Variants in CDH12 observed in about 807,000 individuals in gnomAD.
The protein encoded by CDH12 is cadherin-12.
In CDH12, 41 loss-of-function variants were observed where a neutral mutation model predicts 74.1. The ratio of observed to expected loss-of-function variants is 0.55; its 90% CI spans 0.43 to 0.72. The LOEUF (loss-of-function observed/expected upper bound fraction) is 0.72. Ranked by LOEUF, CDH12 falls within the 30% of genes least tolerant of loss-of-function variation. The pLI is 0.00. For missense variants in CDH12, 945 were observed against 977.2 expected (o/e 0.97, Z 0.44); for synonymous variants, 399 against 355.0 (o/e 1.12, Z -1.39).
chr5:22,016,183 T>C (rs1329795662), intron 5 of CDH12, among the ~76,000 whole-genome samples: 2 of 152,076 alleles, frequency 1.3e-5, no homozygotes, highest in African/African-American at 2.4e-5. Context: ...TCATGATAGC[T>C]TCCTCAAACT....
At chr5:22,786,889 T>G (rs1345225064) in intron 1 of CDH12, among the ~76,000 whole-genome samples, 3 of 151,974 alleles carry the variant, frequency 2.0e-5, no homozygotes, top group African/African-American at 7.3e-5. Context: ...TGGCTAATTT[T>G]TTGTGTTTTT....
intron 2 of CDH12, among the ~76,000 whole-genome samples, chr5:22,502,278 G>C (rs1418456217): frequency 1.3e-5 from 2 of 151,894 alleles, no homozygotes; most frequent in South Asian, 2.1e-4. Context: ...TTTTATAAAG[G>C]GATATTCCCC....
chr5:22,741,086 G>T (rs1580946829), intron 1 of CDH12, among the ~76,000 whole-genome samples: 1 of 152,094 alleles, frequency 6.6e-6, no homozygotes, highest in Non-Finnish European at 1.5e-5. Context: ...TAACTCAGGA[G>T]ATATTTATTA....
intron 2 of CDH12, among the ~76,000 whole-genome samples, chr5:22,452,931 A>G (rs2126566415): frequency 6.7e-6 from 1 of 149,988 alleles, no homozygotes; most frequent in Non-Finnish European, 1.5e-5. Flanking sequence ...CAAAGCCCTT[A>G]ATATATATAT....
intron 3 of CDH12, among the ~76,000 whole-genome samples, chr5:22,370,807 T>A (rs1741254303): frequency 6.6e-6 from 1 of 152,066 alleles, no homozygotes; most frequent in South Asian, 2.1e-4. Flanking sequence ...GACCAGGAGC[T>A]AGATAACCTG....
intron 1 of CDH12, among the ~76,000 whole-genome samples, chr5:22,521,044 T>G (rs1037316592): frequency 6.6e-6 from 1 of 151,716 alleles, no homozygotes; most frequent in Non-Finnish European, 1.5e-5. Flanking sequence ...TCCTGTATCA[T>G]GGCAGGAGGT....
chr5:22,397,211 C>T (rs1316812350), intron 3 of CDH12, among the ~76,000 whole-genome samples: 1 of 151,978 alleles, frequency 6.6e-6, no homozygotes, highest in African/African-American at 2.4e-5. Context: ...ATAATCATGG[C>T]AAAGTCTCTT....
intron 1 of CDH12, among the ~76,000 whole-genome samples, chr5:22,844,684 C>T (rs779092422): frequency 6.6e-6 from 1 of 152,114 alleles, no homozygotes; most frequent in African/African-American, 2.4e-5. Flanking sequence ...TAGAGAGATA[C>T]TCCACAAGAG....
intron 1 of CDH12, among the ~76,000 whole-genome samples, chr5:22,780,107 C>A (rs1241394034): frequency 6.6e-6 from 1 of 152,100 alleles, no homozygotes; most frequent in Non-Finnish European, 1.5e-5. Context: ...GTAATCTAGC[C>A]AGGCACAGTG....
chr5:22,028,731 T>A (rs1414849045), intron 5 of CDH12, among the ~76,000 whole-genome samples: 1 of 152,116 alleles, frequency 6.6e-6, no homozygotes, highest in African/African-American at 2.4e-5. Context: ...AAGCTACCAA[T>A]GACTTTCTTC....
intron 3 of CDH12, among the ~76,000 whole-genome samples, chr5:22,357,054 T>G (rs771414593): frequency 2.1e-4 from 32 of 152,110 alleles, no homozygotes; most frequent in South Asian, 1.2e-3. Flanking sequence ...TATCTATCTA[T>G]CTAGCTAGAT....
At chr5:22,821,105 A>T (rs1749676451) in intron 1 of CDH12, among the ~76,000 whole-genome samples, 1 of 152,204 alleles carries the variant, frequency 6.6e-6, no homozygotes. Context: ...AATGTAATCC[A>T]GCATATAAAC....
intron 1 of CDH12, among the ~76,000 whole-genome samples, chr5:22,546,839 C>T (rs556293741): frequency 2.0e-5 from 3 of 152,218 alleles, no homozygotes; most frequent in Non-Finnish European, 4.4e-5. Flanking sequence ...AAAATCTTAA[C>T]GCCTACATAT....
At chr5:22,725,373 A>T (rs1002259205) in intron 1 of CDH12, among the ~76,000 whole-genome samples, 1 of 151,852 alleles carries the variant, frequency 6.6e-6, no homozygotes, top group Non-Finnish European at 1.5e-5. Context: ...GAGAACCTTG[A>T]TACTGTTTAT....
chr5:22,102,665 TAAATA>T (rs1219090418), intron 4 of CDH12, among the ~76,000 whole-genome samples: 4 of 28,146 alleles, frequency 1.4e-4, no homozygotes, highest in African/African-American at 6.5e-4. Flanking sequence ...CCGTCTCCAA[TAAATA>T]AATAAATAAA....
At chr5:22,342,942 A>G (rs1739940243) in intron 3 of CDH12, among the ~76,000 whole-genome samples, 1 of 151,746 alleles carries the variant, frequency 6.6e-6, no homozygotes, top group Admixed American at 6.6e-5. Flanking sequence ...TCCGCCTCTC[A>G]GGTTAAAGGG....
chr5:22,370,331 C>T (rs1238997648), intron 3 of CDH12, among the ~76,000 whole-genome samples: 1 of 152,084 alleles, frequency 6.6e-6, no homozygotes, highest in Non-Finnish European at 1.5e-5. Context: ...AACTTTCACT[C>T]CCAAGTTGCT....
intron 1 of CDH12, among the ~76,000 whole-genome samples, chr5:22,745,948 G>A (rs1325351163): frequency 6.6e-6 from 1 of 152,048 alleles, no homozygotes; most frequent in Admixed American, 6.6e-5. Flanking sequence ...ATATAATGCA[G>A]TGGTTATTTG....
intron 1 of CDH12, among the ~76,000 whole-genome samples, chr5:22,622,786 A>G (rs10057679): frequency 0.15 from 22,518 of 152,176 alleles, 2,163 homozygotes; most frequent in Admixed American, 0.33. Flanking sequence ...ATTCCGATCA[A>G]TAGAAAAGAG....
Sources: gnomAD v4.1 joint callset for allele counts (sites outside exome capture counted in the v4.1 genomes callset) on GRCh38, gnomAD v4.1.1 for gene constraint, MANE v1.5 for transcripts, NCBI Gene and HGNC (gene_info 2026-07-23, HGNC 2026-07-21) for gene names.